Variants in LIFR observed in about 807,000 individuals in gnomAD.
LIFR encodes LIF receptor subunit alpha.
In LIFR, 84 loss-of-function variants were observed where a neutral mutation model predicts 122.2. That is an observed-to-expected ratio of 0.69 (90% CI 0.58 to 0.82). The LOEUF (loss-of-function observed/expected upper bound fraction) is 0.82. LIFR is among the 40% of genes least tolerant of loss of function. The pLI is 0.00. For synonymous variants in LIFR, 422 were observed against 434.7 expected (o/e 0.97, Z 0.36); for missense variants, 1,294 against 1,311.6 (o/e 0.99, Z 0.21).
At chr5:38,502,122 C>T (rs1745215550) in intron 11 of LIFR, among the ~76,000 whole-genome samples, 1 of 152,008 alleles carries the variant, frequency 6.6e-6, no homozygotes, top group African/African-American at 2.4e-5. Context: ...CTGGCTTTCT[C>T]ATAATTTATG....
intron 7 of LIFR, among the ~76,000 whole-genome samples, chr5:38,509,438 A>T (rs940998461): frequency 2.6e-5 from 4 of 152,180 alleles, no homozygotes; most frequent in Non-Finnish European, 5.9e-5. Context: ...ACAGCCATCA[A>T]GCTGAGACGA....
Position 38,502,792 on chromosome 5 carries a change from A to G in LIFR, c.1445T>C (p.Val482Ala). The G allele has an allele frequency of 6.3e-7, 1 of 1,587,328 alleles. No homozygotes were observed. Among genetic ancestry groups the G allele is most frequent in the Non-Finnish European group, 8.6e-7 (1 of 1,158,300 alleles). ...KSNSVQEQRNVTIKGVENSSY... is the reference protein window; with the variant it reads ...KSNSVQEQRNATIKGVENSSY... ...TGAATTTTCTACTCCTTTGATTGTG[A>G]CATTCCGCTATTGGAAAACAAATAA... Residue 482 changes from valine (V) to alanine (A), a missense_variant, in exon 11 of 20, where the codon GTC becomes GCC. Coordinates refer to ENST00000453190, the MANE Select transcript of LIFR (RefSeq NM_001127671.2).
At chr5:38,558,770 C>T (rs1748716579), upstream of LIFR, 1 of 152,166 alleles carries the variant, frequency 6.6e-6, no homozygotes, top group Admixed American at 6.5e-5. Flanking sequence ...AAACACAAAA[C>T]CGTCAGATCG....
At chr5:38,522,150 C>T (rs545060803) in intron 5 of LIFR, among the ~76,000 whole-genome samples, 3 of 152,310 alleles carry the variant, frequency 2.0e-5, no homozygotes, top group African/African-American at 7.2e-5. Flanking sequence ...GCACAATTTG[C>T]ATTCTAGTCT....
rs974043765 is a variant in LIFR at position 38,477,168 on chromosome 5, TA to T, written c.*4426del. ...ATTAATAGCACTAATTGAAAAGGAA[TA>T]AAAAAATCTAACCACCATAGCAAAA... On this transcript the variant is annotated 3_prime_UTR_variant, in exon 20 of 20. Coordinates refer to ENST00000453190, the MANE Select transcript of LIFR (RefSeq NM_001127671.2). 13 of 220,510 alleles carry T rather than the reference TA, an allele frequency of 5.9e-5. No homozygotes were observed. The highest frequency in any genetic ancestry group is 1.1e-4 in the Non-Finnish European group (12 of 110,114). 13.7% of individuals were successfully genotyped at this position (220,510 alleles called of 1,614,324 possible). A position where few individuals can be genotyped will look rare whatever the true frequency, so the allele number is the denominator to read the frequency against.
intron 1 of LIFR, among the ~76,000 whole-genome samples, chr5:38,572,522 G>T (rs925930885): frequency 6.6e-6 from 1 of 152,130 alleles, no homozygotes; most frequent in African/African-American, 2.4e-5. Context: ...CTATTGATTT[G>T]AAAATCCTTA....
chr5:38,484,637 T>C (rs570224887), intron 18 of LIFR, 138 bp downstream of exon 18: 1 of 660,902 alleles, frequency 1.5e-6, no homozygotes. Context: ...AAATCCAACA[T>C]TAATTCTAAT....
chr5:38,537,391 T>C (rs1001380351), intron 1 of LIFR, among the ~76,000 whole-genome samples: 29 of 152,184 alleles, frequency 1.9e-4, no homozygotes, highest in African/African-American at 4.1e-4. Flanking sequence ...CACGCTATCA[T>C]ACTTTAGAGT....
intron 7 of LIFR, 32 bp downstream of exon 7, chr5:38,510,432 T>A (rs188216055): frequency 6.3e-7 from 1 of 1,592,162 alleles, no homozygotes; most frequent in South Asian, 1.1e-5. Context: ...AACAGGTTAA[T>A]AGGAATTCTC....
At chr5:38,533,504 C>CT (rs1747129242) in intron 1 of LIFR, among the ~76,000 whole-genome samples, 1 of 152,146 alleles carries the variant, frequency 6.6e-6, no homozygotes, top group African/African-American at 2.4e-5. Context: ...CACACATGTA[C>CT]TTTGACTTGT....
At position 38,511,828 on chromosome 5, in the gene LIFR, T is replaced by C; in HGVS notation, c.698A>G (p.Glu233Gly). 6.2e-7 allele frequency: 1 copy of C among 1,614,080 alleles called. No homozygotes were observed. The highest frequency in any genetic ancestry group is 8.5e-7 in the Non-Finnish European group (1 of 1,179,964). The change falls in exon 6 of 20, where the codon GAA (glutamate) becomes GGA (glycine). Residue 233 changes from glutamate (E) to glycine (G), a missense_variant. Physicochemically the swap from Glu to Gly is moderately conservative, Grantham distance 98 (BLOSUM62 -2). Transcript: ENST00000453190. ...CACAGGGCTCCAGTCACTCCACTCT[T>C]CGAGACCAGAAAAATGAAGATTGTC... ...YIDNLHFSGL[E>G]EWSDWSPVKN...
chr5:38,574,078 T>C (rs894478801), intron 1 of LIFR, among the ~76,000 whole-genome samples: 2 of 152,060 alleles, frequency 1.3e-5, no homozygotes, highest in Non-Finnish European at 2.9e-5. Flanking sequence ...ATGGCACCAC[T>C]GCTTTCCAGC....
At chr5:38,559,357 T>C (rs1359629453), upstream of LIFR, among the ~76,000 whole-genome samples, 1 of 152,226 alleles carries the variant, frequency 6.6e-6, no homozygotes, top group Non-Finnish European at 1.5e-5. Flanking sequence ...ATAACCCAGC[T>C]TGGGGCACCT....
intron 1 of LIFR, among the ~76,000 whole-genome samples, chr5:38,584,623 T>C (rs997829784): frequency 6.0e-5 from 9 of 149,738 alleles, no homozygotes; most frequent in African/African-American, 2.0e-4. Flanking sequence ...AAAAAAAAAA[T>C]AGTGCAAGAC....
chr5:38,529,726 CT>C (rs1457109656), intron 2 of LIFR, among the ~76,000 whole-genome samples: 1 of 152,068 alleles, frequency 6.6e-6, no homozygotes, highest in Non-Finnish European at 1.5e-5. Context: ...ATCTCAGATT[CT>C]ATAAATGTTT....
chr5:38,563,686 A>C (rs1474303523), intron 1 of LIFR, among the ~76,000 whole-genome samples: 2 of 152,200 alleles, frequency 1.3e-5, no homozygotes, highest in African/African-American at 4.8e-5. Context: ...AACTCAGCCC[A>C]TCCTCCCTAC....
chr5:38,563,352 T>C (rs891460377), intron 1 of LIFR, among the ~76,000 whole-genome samples: 1 of 152,158 alleles, frequency 6.6e-6, no homozygotes, highest in Non-Finnish European at 1.5e-5. Flanking sequence ...TTCTTAACTC[T>C]AGAAAAGAGA....
At chr5:38,485,562 T>C (rs1325413594) in intron 17 of LIFR, 3 of 541,050 alleles carry the variant, frequency 5.5e-6, no homozygotes, top group Admixed American at 6.4e-5. Context: ...AATATGACTT[T>C]AGACCTCTAG....
chr5:38,569,114 T>C (rs1375395009), intron 1 of LIFR, among the ~76,000 whole-genome samples: 1 of 152,234 alleles, frequency 6.6e-6, no homozygotes, highest in African/African-American at 2.4e-5. Context: ...CTGGGCACCA[T>C]ATCGCAACAC....
Sources: allele counts gnomAD v4.1 joint callset (sites outside exome capture counted in the v4.1 genomes callset), GRCh38; gene constraint gnomAD v4.1.1; transcripts MANE v1.5; gene names NCBI Gene and HGNC (gene_info 2026-07-23, HGNC 2026-07-21).